The following TEX2 variants were observed in gnomAD, a reference collection of about 807,000 sequenced individuals.
TEX2 encodes the protein testis-expressed protein 2.
A neutral mutation model predicts 106.9 loss-of-function variants in TEX2; 53 were observed. That is an observed-to-expected ratio of 0.50 (90% CI 0.40 to 0.62). The LOEUF is 0.62. Among genes scored for constraint, TEX2 ranks in the 20% least tolerant of loss-of-function variants. TEX2 has a pLI of 0.00. For missense variants in TEX2, 1,207 were observed against 1,379.0 expected, an observed-to-expected ratio of 0.88 and a Z score of 1.98; for synonymous variants, 523 against 534.8, an observed-to-expected ratio of 0.98 and a Z score of 0.30.
At chr17:64,164,065 G>A (rs762821858) in intron 7 of TEX2, among the ~76,000 whole-genome samples, 3 of 152,128 alleles carry the variant, frequency 2.0e-5, no homozygotes, top group Non-Finnish European at 2.9e-5. Context: ...GCACGCATAC[G>A]AAGGGTCTAT....
At chr17:64,165,095 G>T (rs2031066064) in intron 7 of TEX2, among the ~76,000 whole-genome samples, 2 of 152,174 alleles carry the variant, frequency 1.3e-5, no homozygotes, top group South Asian at 4.1e-4. Context: ...CACTCTGAAA[G>T]TCAATATTTG....
intron 1 of TEX2, among the ~76,000 whole-genome samples, chr17:64,214,698 G>T (rs1366798816): frequency 6.6e-6 from 1 of 152,190 alleles, no homozygotes; most frequent in Non-Finnish European, 1.5e-5. Context: ...TAACCCAGGA[G>T]GGGTATTGCG....
rs782096942 is a variant in TEX2, at chr17:64,213,061, T to C, written c.1157A>G (p.Gln386Arg). Residue 386 changes from glutamine (Q) to arginine (R), a missense_variant, in exon 2 of 12, where the codon CAG (glutamine) becomes CGG (arginine). Gln to Arg is a conservative substitution (Grantham distance 43). Transcript: ENST00000584379. The surrounding 1 kb of genome is among the most constrained non-coding windows in gnomAD (Gnocchi z 4.4). ...PTREIELKSS[Q>R]GSSLKDLGLK... The stretch of plus-strand genomic sequence containing the variant: ...GCCTAAATCCTTCAGACTGCTCCCC[T>C]GGGAACTTTTCAGTTCTATCTCTCT... 4 of 1,614,102 alleles carry C rather than the reference T, an allele frequency of 2.5e-6. No homozygotes were observed. The highest frequency in any genetic ancestry group is 2.7e-5 in the African/African-American group (2 of 74,934).
intron 1 of TEX2, among the ~76,000 whole-genome samples, chr17:64,246,129 A>T (rs1363145073): frequency 6.6e-6 from 1 of 152,244 alleles, no homozygotes; most frequent in Non-Finnish European, 1.5e-5. Flanking sequence ...CCTCCTCCTG[A>T]GCACTAGAGG....
rs2030446257 is a variant in TEX2 at position 64,153,173 on chromosome 17, A to G, written c.2931-19T>C. On this transcript the variant is annotated intron_variant, in intron 9 of 11. Coordinates refer to ENST00000584379, the MANE Select transcript of TEX2 (RefSeq NM_001288732.2). The surrounding 1 kb of genome is among the most constrained non-coding windows in gnomAD (Gnocchi z 4.1). ...AACGTACCTTCAAATGTGGAACACA[A>G]AGGGCGGTTAGCACAAACTTTGCTC... The G allele has an allele frequency of 9.5e-6, 15 of 1,587,114 alleles. No homozygotes were observed. Among genetic ancestry groups the G allele is most frequent in the African/African-American group, 1.3e-5 (1 of 74,088 alleles).
intron 8 of TEX2, chr17:64,155,840 C>T (rs1184031674): frequency 6.6e-6 from 1 of 152,216 alleles, no homozygotes; most frequent in African/African-American, 2.4e-5. Context: ...AGCCTCGGGC[C>T]TATAGAAAGC....
chr17:64,261,476 G>A (rs930249280), intron 1 of TEX2, among the ~76,000 whole-genome samples: 2 of 152,158 alleles, frequency 1.3e-5, no homozygotes, highest in South Asian at 4.1e-4. Context: ...GACATAACTT[G>A]CTCTTCAGAC....
At chr17:64,201,628 A>G (rs1285741960) in intron 2 of TEX2, among the ~76,000 whole-genome samples, 1 of 152,002 alleles carries the variant, frequency 6.6e-6, no homozygotes, top group Admixed American at 6.5e-5. Context: ...GTGGGATGCT[A>G]CCTCAGCTCC....
intron 6 of TEX2, among the ~76,000 whole-genome samples, chr17:64,175,476 T>C (rs1438566690): frequency 1.3e-5 from 2 of 152,212 alleles, no homozygotes; most frequent in Non-Finnish European, 2.9e-5. Flanking sequence ...AGACTTTCCC[T>C]CAACTTTCTC....
At chr17:64,170,873 G>A (rs1236421217) in intron 7 of TEX2, among the ~76,000 whole-genome samples, 1 of 152,130 alleles carries the variant, frequency 6.6e-6, no homozygotes, top group East Asian at 1.9e-4. Context: ...GACCTCAGGT[G>A]ATCCGCCTGC....
intron 1 of TEX2, among the ~76,000 whole-genome samples, chr17:64,238,857 CTG>C (rs1217347101): frequency 2.0e-5 from 3 of 152,176 alleles, no homozygotes; most frequent in Non-Finnish European, 4.4e-5. Context: ...AGAAAAATAA[CTG>C]TTCCTTAAAA....
At chr17:64,160,237 GA>G (rs2030821208) in intron 8 of TEX2, among the ~76,000 whole-genome samples, 1 of 152,120 alleles carries the variant, frequency 6.6e-6, no homozygotes, top group Non-Finnish European at 1.5e-5. Flanking sequence ...CACAATTTTG[GA>G]ATATTTACTA....
chr17:64,196,982 ATTT>A (rs59960456), intron 2 of TEX2, among the ~76,000 whole-genome samples: 97 of 63,578 alleles, frequency 1.5e-3, no homozygotes, highest in South Asian at 5.6e-3. Flanking sequence ...TCAAATCAAG[ATTT>A]TTTTTTTTTT....
intron 2 of TEX2, among the ~76,000 whole-genome samples, chr17:64,204,499 G>T (rs145585748): frequency 7.8e-4 from 119 of 152,266 alleles, no homozygotes; most frequent in African/African-American, 2.7e-3. Context: ...TATCAGCAAG[G>T]CTTATTTACT....
At chr17:64,190,866 C>A (rs2032270633) in intron 4 of TEX2, among the ~76,000 whole-genome samples, 1 of 152,160 alleles carries the variant, frequency 6.6e-6, no homozygotes, top group Admixed American at 6.6e-5. Flanking sequence ...CTAGAGAAAT[C>A]TATGATTTTG....
intron 5 of TEX2, among the ~76,000 whole-genome samples, chr17:64,183,919 C>A (rs2031977257): frequency 6.6e-6 from 1 of 152,096 alleles, no homozygotes; most frequent in Non-Finnish European, 1.5e-5. Flanking sequence ...GTGTGAGCCA[C>A]CACTGTGCCT....
At position 64,214,242 on chromosome 17, in the gene TEX2, T is replaced by C. The variant is rs782303477; in HGVS notation, c.-25A>G. ...TTGCCGGCTTCACAAGGGCTCAGGCTCTGTGAAAACAGTGAGAAAACCAGA... is the reference window on the plus strand; with the variant it reads ...TTGCCGGCTTCACAAGGGCTCAGGCCCTGTGAAAACAGTGAGAAAACCAGA... On this transcript the variant is annotated splice_region_variant and 5_prime_UTR_variant, in exon 2 of 12. Transcript: ENST00000584379. The C allele has an allele frequency of 6.3e-7, 1 of 1,593,484 alleles. No individual in the cohort carries two copies. The highest frequency in any genetic ancestry group is 1.7e-5 in the Admixed American group (1 of 58,094).
rs1404020433 is a variant in TEX2 at position 64,185,149 on chromosome 17, C to G, written c.2424+3019G>C. 6.6e-6 allele frequency among the ~76,000 whole-genome samples: 1 copy of G among 152,146 alleles called. No homozygotes were observed. Among genetic ancestry groups the G allele is most frequent in the East Asian group, 1.9e-4 (1 of 5,204 alleles). ...GTTTATAGATATGAGATGATGAGCA[C>G]GACGAGTAGTAATAAGGACAGGACT... On this transcript the variant is annotated intron_variant, in intron 5 of 11. Transcript: ENST00000584379. This position sits in a 1 kb window ranked among gnomAD's most constrained non-coding sequence, Gnocchi z 4.0.
At chr17:64,165,599 C>A (rs1005024724) in intron 7 of TEX2, among the ~76,000 whole-genome samples, 1 of 152,248 alleles carries the variant, frequency 6.6e-6, no homozygotes, top group African/African-American at 2.4e-5. Context: ...TCTTGAAGCA[C>A]GTGTGGCAGG....
Sources: allele counts gnomAD v4.1 joint callset (sites outside exome capture counted in the v4.1 genomes callset), GRCh38; gene constraint gnomAD v4.1.1; non-coding constraint Gnocchi (gnomAD v3.1); transcripts MANE v1.5; gene names NCBI Gene and HGNC (gene_info 2026-07-23, HGNC 2026-07-21).